The following ALCAM variants were observed in gnomAD, a reference collection of about 807,000 sequenced individuals.
ALCAM encodes CD166 antigen.
ALCAM carries 30 observed loss-of-function variants against 70.9 expected under a neutral mutation model. The observed-to-expected ratio is 0.42, with a 90% CI of 0.32 to 0.57. The LOEUF (loss-of-function observed/expected upper bound fraction) is 0.57. Ranked by LOEUF, ALCAM falls within the 20% of genes least tolerant of loss-of-function variation. The probability of loss-of-function intolerance (pLI) is 0.11; values close to 1 mark genes in which losing one functional copy is unlikely to be tolerated. For missense variants in ALCAM, 591 were observed against 695.1 expected (o/e 0.85, Z 1.68); for synonymous variants, 249 against 242.5 (o/e 1.03, Z -0.25).
intron 1 of ALCAM, among the ~76,000 whole-genome samples, chr3:105,427,998 C>CA (rs1461562823): frequency 2.0e-5 from 3 of 151,796 alleles, no homozygotes; most frequent in African/African-American, 7.2e-5. Flanking sequence ...CCTACTCACA[C>CA]AAAAATTTTG....
Position 105,388,867 on chromosome 3 carries a change from G to C in ALCAM, c.73+21386G>C, listed in dbSNP as rs74703257. Among the ~76,000 whole-genome samples the C allele has an allele frequency of 2.1e-3, 324 of 151,626 alleles. 3 individuals carry two copies. Among genetic ancestry groups the C allele is most frequent in the African/African-American group, 7.5e-3 (310 of 41,466 alleles). On this transcript the variant is annotated intron_variant, in intron 1 of 15. Coordinates refer to ENST00000306107, the MANE Select transcript of ALCAM (RefSeq NM_001627.4). ...TATGAGATTTTACAATCACGTTTTA[G>C]ATAGTAAAGATTGAATGAGTATGTT...
At chr3:105,524,562 A>G in intron 3 of ALCAM, 54 bp downstream of exon 3, 1 of 1,604,552 alleles carries the variant, frequency 6.2e-7, no homozygotes, top group Non-Finnish European at 8.5e-7. Context: ...CCAGTACCAG[A>G]CCATGTTCTT....
At chr3:105,412,782 A>G (rs551130100) in intron 1 of ALCAM, among the ~76,000 whole-genome samples, 2 of 152,260 alleles carry the variant, frequency 1.3e-5, no homozygotes, top group East Asian at 3.9e-4. Flanking sequence ...ATGTGTGAAT[A>G]AAAATACAAA....
intron 1 of ALCAM, among the ~76,000 whole-genome samples, chr3:105,374,080 A>G (rs1466907630): frequency 1.3e-5 from 2 of 152,230 alleles, no homozygotes; most frequent in Non-Finnish European, 2.9e-5. Context: ...TGGTCATTGG[A>G]GAAACACAGA....
At chr3:105,396,417 C>T (rs933907927) in intron 1 of ALCAM, among the ~76,000 whole-genome samples, 1 of 151,872 alleles carries the variant, frequency 6.6e-6, no homozygotes, top group Non-Finnish European at 1.5e-5. Flanking sequence ...CAAAACTGAA[C>T]TTGGAAAAGC....
chr3:105,370,430 T>C (rs916046576), intron 1 of ALCAM, among the ~76,000 whole-genome samples: 1 of 152,196 alleles, frequency 6.6e-6, no homozygotes, highest in Non-Finnish European at 1.5e-5. Flanking sequence ...GCAAGTCATT[T>C]AACCTTTTTG....
intron 1 of ALCAM, among the ~76,000 whole-genome samples, chr3:105,426,832 C>CA (rs1388903359): frequency 7.9e-5 from 12 of 151,714 alleles, no homozygotes; most frequent in Admixed American, 2.0e-4. Flanking sequence ...CCCCACCTCC[C>CA]AAAAAAACAA....
Position 105,541,652 on chromosome 3 carries a change from G to A in ALCAM, c.878G>A (p.Arg293Lys), listed in dbSNP as rs763413418. The stretch of plus-strand genomic sequence containing the variant: ...CAAAAGGGACAGCCCGAAGGAATAA[G>A]AAGCTCAAATACTTACACACTGACG... ...FYLPGQPEGIRSSNTYTLTDV... is the reference protein window; with the variant it reads ...FYLPGQPEGIKSSNTYTLTDV... The change falls in exon 8 of 16, where the codon AGA becomes AAA. Residue 293 changes from arginine (R) to lysine (K), a missense_variant. Arg to Lys is a conservative substitution (Grantham distance 26). Coordinates refer to ENST00000306107, the MANE Select transcript of ALCAM (RefSeq NM_001627.4). 1.2e-6 allele frequency: 2 copies of A among 1,611,882 alleles called. No individual in the cohort carries two copies. The highest frequency in any genetic ancestry group is 1.7e-6 in the Non-Finnish European group (2 of 1,178,644).
intron 1 of ALCAM, among the ~76,000 whole-genome samples, chr3:105,459,243 A>C (rs1236575307): frequency 1.3e-5 from 2 of 151,954 alleles, no homozygotes; most frequent in Non-Finnish European, 2.9e-5. Context: ...TCCTTTTAAG[A>C]CTCATCTCCT....
chr3:105,379,531 A>G (rs1935462829), intron 1 of ALCAM, among the ~76,000 whole-genome samples: 2 of 151,858 alleles, frequency 1.3e-5, no homozygotes, highest in Admixed American at 1.3e-4. Context: ...GTAATGCACT[A>G]TATTATTCTC....
In ALCAM at chr3:105,508,044, A is replaced by G. The variant is rs181985488; in HGVS notation, c.74-12023A>G. Among the ~76,000 whole-genome samples the G allele has an allele frequency of 2.0e-3, 309 of 152,144 alleles. 3 individuals are homozygous for G. Among genetic ancestry groups the G allele is most frequent in the African/African-American group, 7.1e-3 (293 of 41,516 alleles). ...TTGAATATTCATGATTTTCTATTTT[A>G]TTTTGAAAATTAGAACAGCTGCCAC... On this transcript the variant is annotated intron_variant, in intron 1 of 15. Transcript: ENST00000306107.
chr3:105,477,351 TC>T (rs1938149758), intron 1 of ALCAM, among the ~76,000 whole-genome samples: 1 of 152,150 alleles, frequency 6.6e-6, no homozygotes, highest in Non-Finnish European at 1.5e-5. Flanking sequence ...TCTGTACATA[TC>T]TTTATTTTGC....
rs537328231 is a variant in ALCAM, at chr3:105,569,008, TA to T, written c.1665-2838del. Among the ~76,000 whole-genome samples the T allele has an allele frequency of 1.9e-3, 285 of 152,256 alleles. 2 individuals are homozygous for T. Among genetic ancestry groups the T allele is most frequent in the African/African-American group, 6.6e-3 (274 of 41,570 alleles). ...TCTTACCATACAGGTCAAGGCAGAT[TA>T]AAAAACTTAAAATTGCAATTTATAT... On this transcript the variant is annotated intron_variant, in intron 14 of 15. Coordinates refer to ENST00000306107, the MANE Select transcript of ALCAM (RefSeq NM_001627.4).
At chr3:105,475,641 A>G (rs577563717) in intron 1 of ALCAM, among the ~76,000 whole-genome samples, 1 of 152,002 alleles carries the variant, frequency 6.6e-6, no homozygotes, top group Non-Finnish European at 1.5e-5. Flanking sequence ...TATAAATTTC[A>G]TGCTCAGCAA....
chr3:105,392,737 A>C lies in ALCAM; in HGVS notation c.73+25256A>C, dbSNP rs972892130. ...TTTAGTGCTATAAATTTACCTCTTA[A>C]CACTGCTTTAGCTGTGTCCCAGAGA... On this transcript the variant is annotated intron_variant, in intron 1 of 15. Transcript: ENST00000306107. 7.2e-5 allele frequency among the ~76,000 whole-genome samples: 11 copies of C among 151,858 alleles called. No individual in the cohort carries two copies. The South Asian group carries it at 2.3e-3, about 31-fold the overall frequency.
chr3:105,524,432 T>G lies in ALCAM; in HGVS notation c.318T>G (p.Ser106Arg), dbSNP rs771945333. The G allele has an allele frequency of 1.2e-6, 2 of 1,614,042 alleles. No homozygotes were observed. The highest frequency in any genetic ancestry group is 2.7e-5 in the African/African-American group (2 of 74,984). The change falls in exon 3 of 16, where the codon AGT (serine) becomes AGG (arginine). Residue 106 changes from serine (S) to arginine (R), a missense_variant. Physicochemically the swap from Ser to Arg is moderately radical, Grantham distance 110 (BLOSUM62 -1). This residue lies in a region of ALCAM where 427 missense variants were observed against 450.4 expected (regional missense o/e 0.95). Transcript: ENST00000306107. ...YTLSISNARI[S>R]DEKRFVCMLV... The stretch of plus-strand genomic sequence containing the variant: ...TGTCTATCAGTAATGCAAGGATCAG[T>G]GATGAAAAGAGATTTGTGTGCATGC...
intron 1 of ALCAM, among the ~76,000 whole-genome samples, chr3:105,412,930 G>A (rs1457431578): frequency 2.0e-5 from 3 of 151,978 alleles, no homozygotes; most frequent in East Asian, 1.9e-4. Context: ...ACATTGTGCC[G>A]ATAAATCACT....
At chr3:105,463,130 C>T (rs916511219) in intron 1 of ALCAM, among the ~76,000 whole-genome samples, 25 of 151,322 alleles carry the variant, frequency 1.7e-4, no homozygotes, top group African/African-American at 5.8e-4. Flanking sequence ...ACTGCAATCA[C>T]GAAAAGGGAT....
chr3:105,540,004 C>T lies in ALCAM; in HGVS notation c.760C>T (p.Leu254=), dbSNP rs754203338. Residue 254 remains leucine (L), a synonymous_variant, in exon 7 of 16, where the codon CTG becomes TTG. Transcript: ENST00000306107. ...YPTEQVTIQV[L]PPKNAIKEGD... ...TACAGAGCAGGTGACAATACAAGTG[C>T]TGCCACCAAAAAATGCCATCAAAGA... 2.5e-6 allele frequency: 4 copies of T among 1,612,444 alleles called. No individual in the cohort carries two copies. The highest frequency in any genetic ancestry group is 3.4e-6 in the Non-Finnish European group (4 of 1,178,890).
Sources: gnomAD v4.1 joint callset for allele counts (sites outside exome capture counted in the v4.1 genomes callset) on GRCh38, gnomAD v4.1.1 for gene constraint, gnomAD v4.1.1 regional missense constraint, MANE v1.5 for transcripts, NCBI Gene and HGNC (gene_info 2026-07-23, HGNC 2026-07-21) for gene names.